The following KCNIP4 variants were observed in gnomAD, a reference collection of about 807,000 sequenced individuals.
The protein encoded by KCNIP4 is potassium voltage-gated channel interacting protein 4, also known as Kv channel-interacting protein 4.
In KCNIP4, 12 loss-of-function variants were observed where a neutral mutation model predicts 34.0. That is an observed-to-expected ratio of 0.35 (90% CI 0.23 to 0.57). The LOEUF (loss-of-function observed/expected upper bound fraction) is 0.57. Among genes scored for constraint, KCNIP4 ranks in the 20% least tolerant of loss-of-function variants. KCNIP4 has a pLI of 0.83. For synonymous variants in KCNIP4, 124 were observed against 102.2 expected (o/e 1.21, Z -1.29); for missense variants, 238 against 311.7 (o/e 0.76, Z 1.78).
At chr4:21,120,828 C>A (rs138780183) in intron 1 of KCNIP4, among the ~76,000 whole-genome samples, 470 of 152,284 alleles carry the variant, frequency 3.1e-3, no homozygotes, top group Non-Finnish European at 5.2e-3. Context: ...ACCGGTCTTA[C>A]TAAATTAAGG....
intron 1 of KCNIP4, among the ~76,000 whole-genome samples, chr4:21,089,836 AC>A (rs1746827517): frequency 6.6e-6 from 1 of 152,030 alleles, no homozygotes; most frequent in African/African-American, 2.4e-5. Flanking sequence ...CACAATACAA[AC>A]CTGATCACCC....
At chr4:20,770,906 G>T (rs1755813463) in intron 3 of KCNIP4, among the ~76,000 whole-genome samples, 1 of 152,128 alleles carries the variant, frequency 6.6e-6, no homozygotes, top group South Asian at 2.1e-4. Context: ...TTGCACTCCA[G>T]CCTGGGAGAC....
intron 1 of KCNIP4, among the ~76,000 whole-genome samples, chr4:21,804,711 A>C (rs1350237684): frequency 6.6e-6 from 1 of 152,182 alleles, no homozygotes; most frequent in East Asian, 1.9e-4. Context: ...CAGCCTATAG[A>C]TATGTTATCA....
intron 1 of KCNIP4, chr4:21,851,855 C>G (rs1020537670): frequency 6.6e-6 from 1 of 152,140 alleles, no homozygotes; most frequent in Non-Finnish European, 1.5e-5. Flanking sequence ...GGGAGACTCT[C>G]AAGATACTGG....
At chr4:21,693,375 A>G (rs1329739926) in intron 1 of KCNIP4, among the ~76,000 whole-genome samples, 1 of 152,162 alleles carries the variant, frequency 6.6e-6, no homozygotes, top group Admixed American at 6.5e-5. Flanking sequence ...AGCCTGGCCA[A>G]CATGGCGAAA....
intron 1 of KCNIP4, among the ~76,000 whole-genome samples, chr4:21,856,706 C>A (rs1323797848): frequency 6.6e-6 from 1 of 152,098 alleles, no homozygotes; most frequent in East Asian, 1.9e-4. Context: ...CTCTCAGGAG[C>A]CCTGGAAGCC....
intron 1 of KCNIP4, among the ~76,000 whole-genome samples, chr4:21,924,168 C>A (rs548299565): frequency 2.5e-4 from 38 of 151,840 alleles, no homozygotes; most frequent in African/African-American, 9.2e-4. Flanking sequence ...AAATAAACTC[C>A]TTTAACTGAA....
intron 1 of KCNIP4, among the ~76,000 whole-genome samples, chr4:21,775,527 G>T (rs1719117052): frequency 6.6e-6 from 1 of 152,172 alleles, no homozygotes; most frequent in African/African-American, 2.4e-5. Context: ...AAACCCATTT[G>T]TCTGGGCTGC....
chr4:21,809,632 A>G (rs1721505183), intron 1 of KCNIP4, among the ~76,000 whole-genome samples: 1 of 152,184 alleles, frequency 6.6e-6, no homozygotes, highest in Non-Finnish European at 1.5e-5. Context: ...AGTGCATGAT[A>G]CAAGAAACTA....
chr4:21,684,624 G>T (rs1750670097), intron 1 of KCNIP4, among the ~76,000 whole-genome samples: 1 of 151,956 alleles, frequency 6.6e-6, no homozygotes, highest in African/African-American at 2.4e-5. Flanking sequence ...CTAGGAAAAA[G>T]CCAAGATTAA....
At chr4:20,882,211 T>C (rs1004914783) in intron 2 of KCNIP4, among the ~76,000 whole-genome samples, 1 of 152,194 alleles carries the variant, frequency 6.6e-6, no homozygotes, top group Admixed American at 6.5e-5. Context: ...TATTTCTGAA[T>C]TTGGGCAGTG....
At chr4:21,564,716 A>C (rs1003004984) in intron 1 of KCNIP4, among the ~76,000 whole-genome samples, 2 of 152,114 alleles carry the variant, frequency 1.3e-5, no homozygotes, top group Non-Finnish European at 2.9e-5. Flanking sequence ...TAAAAGAAGC[A>C]CAGCACCAGC....
intron 1 of KCNIP4, among the ~76,000 whole-genome samples, chr4:21,691,498 G>GT (rs1711629199): frequency 6.6e-6 from 1 of 152,082 alleles, no homozygotes; most frequent in Admixed American, 6.6e-5. Context: ...TTTCTGGAGT[G>GT]TAAGATCTCA....
chr4:21,501,885 TTCTC>T (rs144701777), intron 1 of KCNIP4, among the ~76,000 whole-genome samples: 28,611 of 151,126 alleles, frequency 0.19, 2,859 homozygotes, highest in Admixed American at 0.25. Context: ...TTAAAAATAA[TTCTC>T]TCTCTCTCTA....
chr4:21,242,622 A>G (rs184244495), intron 1 of KCNIP4, among the ~76,000 whole-genome samples: 83 of 152,092 alleles, frequency 5.5e-4, no homozygotes, highest in Non-Finnish European at 9.8e-4. Context: ...AAAGGTAGAG[A>G]AAGGGGAAAC....
At chr4:21,639,098 A>G (rs967636187) in intron 1 of KCNIP4, among the ~76,000 whole-genome samples, 20 of 152,214 alleles carry the variant, frequency 1.3e-4, no homozygotes, top group Admixed American at 8.5e-4. Context: ...AGTTCTTGAC[A>G]GAACTATTGC....
chr4:21,701,276 A>G (rs990247360), intron 1 of KCNIP4, among the ~76,000 whole-genome samples: 1 of 152,196 alleles, frequency 6.6e-6, no homozygotes, highest in Admixed American at 6.5e-5. Flanking sequence ...TGGAAAAAGT[A>G]AAAATGTTGG....
At position 21,502,530 on chromosome 4, in the gene KCNIP4, T is replaced by TA. The variant is rs150382059; in HGVS notation, c.61+446040_61+446041insT. On this transcript the variant is annotated intron_variant, in intron 1 of 8. Coordinates refer to ENST00000382152, the MANE Select transcript of KCNIP4 (RefSeq NM_025221.6). ...GCACAGATTATATTTTCAAAATTTA[T>TA]TTTTTTTCTCAGATCTTTTGATTTA... Among the ~76,000 whole-genome samples the TA allele has an allele frequency of 0.011, 1,651 of 151,616 alleles. 70 individuals carry two copies. The East Asian group carries it at 0.12, about 11-fold the overall frequency.
At chr4:21,322,512 C>A (rs1714607006) in intron 1 of KCNIP4, among the ~76,000 whole-genome samples, 2 of 152,108 alleles carry the variant, frequency 1.3e-5, no homozygotes, top group Non-Finnish European at 2.9e-5. Flanking sequence ...CACACATTCT[C>A]CCCTAAAAAT....
Sources: allele counts gnomAD v4.1 joint callset (sites outside exome capture counted in the v4.1 genomes callset), GRCh38; gene constraint gnomAD v4.1.1; transcripts MANE v1.5; gene names NCBI Gene and HGNC (gene_info 2026-07-23, HGNC 2026-07-21).